Variants in EPS15 observed in about 807,000 individuals in gnomAD.
EPS15 encodes the protein epidermal growth factor receptor substrate 15.
EPS15 carries 72 observed loss-of-function variants against 113.8 expected under a neutral mutation model. The observed-to-expected ratio is 0.63, with a 90% CI of 0.52 to 0.77. The LOEUF is 0.77. EPS15 is among the 30% of genes least tolerant of loss of function. The probability of loss-of-function intolerance (pLI) is 0.00; values close to 1 mark genes in which losing one functional copy is unlikely to be tolerated. For synonymous variants in EPS15, 344 were observed against 363.4 expected (o/e 0.95, Z 0.61); for missense variants, 1,048 against 1,045.8 (o/e 1.00, Z -0.03).
At chr1:51,463,274 G>C (rs971724142) in intron 7 of EPS15, 1 of 153,542 alleles carries the variant, frequency 6.5e-6, no homozygotes, top group African/African-American at 2.4e-5. Context: ...ACAAGTTAGA[G>C]AGAAGAATTT....
In EPS15 at chr1:51,379,330, G is replaced by A. The variant is rs150796104; in HGVS notation, c.2120-13301C>T. ...AGATGGAGTTTCATCATGTTGGCCA[G>A]GCTAGTCTCGAACTCCTGACCTCAA... On this transcript the variant is annotated intron_variant, in intron 21 of 24. Transcript: ENST00000371733. Among the ~76,000 whole-genome samples, 266 of 152,164 alleles carry A rather than the reference G, an allele frequency of 1.7e-3. 8 individuals are homozygous for A. The East Asian group carries it at 0.047, about 27-fold the overall frequency.
rs369338521 is a variant in EPS15, at chr1:51,461,167, T to C, written c.502-17A>G. On this transcript the variant is annotated splice_polypyrimidine_tract_variant and intron_variant, in intron 7 of 24. Coordinates refer to ENST00000371733, the MANE Select transcript of EPS15 (RefSeq NM_001981.3). The stretch of plus-strand genomic sequence containing the variant: ...CTCCCAAACCTTAAAAAGAGAATAA[T>C]TGAAAAAAGATTAATGTTCTTTCAG... 3.1e-5 allele frequency: 48 copies of C among 1,547,228 alleles called. No individual in the cohort carries two copies. Among genetic ancestry groups the C allele is most frequent in the Non-Finnish European group, 2.6e-5 (29 of 1,119,896 alleles).
chr1:51,515,028 G>A lies in EPS15; in HGVS notation c.33+4171C>T, dbSNP rs553572103. Among the ~76,000 whole-genome samples the A allele has an allele frequency of 9.8e-5, 15 of 152,286 alleles. No homozygotes were observed. In the East Asian group the frequency reaches 2.7e-3, roughly 27 times the overall value. On this transcript the variant is annotated intron_variant, in intron 1 of 24. Coordinates refer to ENST00000371733, the MANE Select transcript of EPS15 (RefSeq NM_001981.3). ...AATTGTTAAACCAGACTACTAAGATGATATGTTTATTAGCACTTGTACTGC... is the reference window on the plus strand; with the variant it reads ...AATTGTTAAACCAGACTACTAAGATAATATGTTTATTAGCACTTGTACTGC...
Position 51,398,652 on chromosome 1 carries a change from A to T in EPS15, c.2052+380T>A, listed in dbSNP as rs529977311. ...CCAGATGTGTCTATGAAATAACATA[A>T]ACGATTTTATTTTTCTAAAATTCTT... On this transcript the variant is annotated intron_variant, in intron 20 of 24. Coordinates refer to ENST00000371733, the MANE Select transcript of EPS15 (RefSeq NM_001981.3). Among the ~76,000 whole-genome samples the T allele has an allele frequency of 5.3e-5, 8 of 152,340 alleles. No homozygotes were observed. In the South Asian group the frequency reaches 1.7e-3, roughly 32 times the overall value.
rs767410471 is a variant in EPS15 at position 51,461,047 on chromosome 1, A to G, written c.561+44T>C. 3 of 1,274,244 alleles carry G rather than the reference A, an allele frequency of 2.4e-6. No homozygotes were observed. In the Admixed American group the frequency reaches 5.2e-5, roughly 22 times the overall value. The allele number at this position is 1,274,244 out of a possible 1,614,324, so 78.9% of individuals were successfully genotyped here. A position where few individuals can be genotyped will look rare whatever the true frequency, so the allele number is the denominator to read the frequency against. ...AAAAGAGGAAATTTGCACATGAGAA[A>G]ATCATTAAGATAATGAAGATGTTAA... On this transcript the variant is annotated intron_variant, in intron 8 of 24. Coordinates refer to ENST00000371733, the MANE Select transcript of EPS15 (RefSeq NM_001981.3).
intron 2 of EPS15, among the ~76,000 whole-genome samples, chr1:51,475,934 G>A (rs1655646868): frequency 6.6e-6 from 1 of 152,158 alleles, no homozygotes; most frequent in Non-Finnish European, 1.5e-5. Context: ...TTATTAAATA[G>A]GGAATCCTTT....
chr1:51,493,118 T>C (rs979671612), intron 1 of EPS15, among the ~76,000 whole-genome samples: 1 of 152,276 alleles, frequency 6.6e-6, no homozygotes, highest in Admixed American at 6.5e-5. Context: ...TCCCAGCACT[T>C]TGGGAGGCCA....
chr1:51,464,242 A>ATT lies in EPS15; in HGVS notation c.376-446_376-445dup, dbSNP rs11375231. Among the ~76,000 whole-genome samples, 616 of 145,942 alleles carry ATT rather than the reference A, an allele frequency of 4.2e-3. 4 individuals are homozygous for ATT. Among genetic ancestry groups the ATT allele is most frequent in the Middle Eastern group, 0.01 (3 of 286 alleles). On this transcript the variant is annotated intron_variant, in intron 6 of 24. Transcript: ENST00000371733. The stretch of plus-strand genomic sequence containing the variant: ...ATGAGGTGCAGTTCAAATAAATAAA[A>ATT]TTTTTTTTTTTTTTTGAGACGGAGT...
intron 1 of EPS15, among the ~76,000 whole-genome samples, chr1:51,483,147 T>C (rs1392299912): frequency 6.6e-6 from 1 of 152,178 alleles, no homozygotes; most frequent in Non-Finnish European, 1.5e-5. Flanking sequence ...ATATGGTACC[T>C]GCCCATTAGT....
chr1:51,428,296 T>A (rs936715164), intron 12 of EPS15, among the ~76,000 whole-genome samples: 2 of 152,174 alleles, frequency 1.3e-5, no homozygotes, highest in African/African-American at 4.8e-5. Context: ...CTGAAAGCCA[T>A]ATGAAGATAA....
At position 51,476,866 on chromosome 1, in the gene EPS15, T is replaced by C. The variant is rs1293111142; in HGVS notation, c.76-3918A>G. ...CTGGATTCGGTTTGCCAGTATTTTATTGAGGATTTTTGCATGGATGTTCAT... is the reference window on the plus strand; with the variant it reads ...CTGGATTCGGTTTGCCAGTATTTTACTGAGGATTTTTGCATGGATGTTCAT... On this transcript the variant is annotated intron_variant, in intron 2 of 24. Coordinates refer to ENST00000371733, the MANE Select transcript of EPS15 (RefSeq NM_001981.3). Among the ~76,000 whole-genome samples the C allele has an allele frequency of 5.3e-5, 8 of 152,236 alleles. 1 individual carries two copies. In the East Asian group the frequency reaches 9.6e-4, roughly 18 times the overall value.
chr1:51,512,534 A>T (rs183008664), intron 1 of EPS15, among the ~76,000 whole-genome samples: 1 of 152,316 alleles, frequency 6.6e-6, no homozygotes, highest in East Asian at 1.9e-4. Flanking sequence ...GATTTTGCAA[A>T]GAAGGGCAAA....
intron 8 of EPS15, chr1:51,458,622 A>C (rs780919051): frequency 2.1e-5 from 9 of 422,552 alleles, no homozygotes; most frequent in South Asian, 1.5e-4. Flanking sequence ...CTGTAATCCC[A>C]GCTCCTCAGG....
chr1:51,400,504 C>T (rs748205458), intron 19 of EPS15, among the ~76,000 whole-genome samples: 10 of 150,918 alleles, frequency 6.6e-5, no homozygotes, highest in Non-Finnish European at 1.0e-4. Flanking sequence ...AGACCAACCT[C>T]GGCAACACAG....
intron 1 of EPS15, among the ~76,000 whole-genome samples, chr1:51,483,804 A>G (rs1644067836): frequency 7.2e-6 from 1 of 139,636 alleles, no homozygotes; most frequent in Non-Finnish European, 1.6e-5. Flanking sequence ...GACTCCACCT[A>G]AAAAAAAAAA....
intron 1 of EPS15, among the ~76,000 whole-genome samples, chr1:51,500,086 CTT>C (rs1370241146): frequency 6.6e-6 from 1 of 152,196 alleles, no homozygotes; most frequent in Non-Finnish European, 1.5e-5. Context: ...AGCATAACGT[CTT>C]TAAGATTTTT....
At chr1:51,483,149 C>T (rs1290553543) in intron 1 of EPS15, among the ~76,000 whole-genome samples, 2 of 152,122 alleles carry the variant, frequency 1.3e-5, no homozygotes, top group Non-Finnish European at 2.9e-5. Flanking sequence ...ATGGTACCTG[C>T]CCATTAGTCA....
In EPS15 at chr1:51,366,019, G is replaced by A; in HGVS notation, c.2130C>T (p.Pro710=). 1.2e-6 allele frequency: 2 copies of A among 1,611,234 alleles called. No individual in the cohort carries two copies. The highest frequency in any genetic ancestry group is 1.7e-6 in the Non-Finnish European group (2 of 1,178,254). Residue 710 remains proline, a synonymous_variant, in exon 22 of 25, where the codon CCC becomes CCT. Transcript: ENST00000371733. ...ATTCATTCCCAAAAACAGAAGCAAA[G>A]GGGTCTGTGGCTAAAATGAATAAAG... is the stretch of plus-strand genomic sequence containing the variant. ...VVAASDSATD[P]FASVFGNESF...
chr1:51,389,372 G>A (rs1235217262), intron 21 of EPS15, among the ~76,000 whole-genome samples: 1 of 152,136 alleles, frequency 6.6e-6, no homozygotes, highest in Non-Finnish European at 1.5e-5. Flanking sequence ...ATACTGAATG[G>A]GCAAAAACTG....
Sources: gnomAD v4.1 joint callset for allele counts (sites outside exome capture counted in the v4.1 genomes callset) on GRCh38, gnomAD v4.1.1 for gene constraint, MANE v1.5 for transcripts, NCBI Gene and HGNC (gene_info 2026-07-23, HGNC 2026-07-21) for gene names.